The following PHLPP1 variants were observed in gnomAD, a reference collection of about 807,000 sequenced individuals.
The protein encoded by PHLPP1 is PH domain leucine-rich repeat-containing protein phosphatase 1.
Under a neutral mutation model 117.2 loss-of-function variants are expected in PHLPP1, and 42 were observed. That is an observed-to-expected ratio of 0.36 (90% CI 0.28 to 0.46). PHLPP1 has a LOEUF of 0.46. Ranked by LOEUF, PHLPP1 falls within the 20% of genes least tolerant of loss-of-function variation. The pLI, the probability that PHLPP1 is intolerant of heterozygous loss-of-function variation, is 1.00. For missense variants in PHLPP1, 2,084 were observed against 2,241.9 expected, an observed-to-expected ratio of 0.93 and a Z score of 1.42; for synonymous variants, 1,042 against 970.7, an observed-to-expected ratio of 1.07 and a Z score of -1.37.
intron 1 of PHLPP1, among the ~76,000 whole-genome samples, chr18:62,719,685 AT>A (rs1317696264): frequency 6.6e-6 from 1 of 152,156 alleles, no homozygotes; most frequent in Non-Finnish European, 1.5e-5. Flanking sequence ...TACATAACTT[AT>A]TTTTAAATTT....
At chr18:62,746,656 A>C (rs1017176283) in intron 1 of PHLPP1, among the ~76,000 whole-genome samples, 7 of 152,074 alleles carry the variant, frequency 4.6e-5, no homozygotes, top group African/African-American at 1.7e-4. Context: ...TGTTGAATCT[A>C]ACATTTTGCT....
At chr18:62,830,326 T>C in intron 2 of PHLPP1, 95 bp downstream of exon 2, 1 of 989,412 alleles carries the variant, frequency 1.0e-6, no homozygotes, top group Non-Finnish European at 1.5e-6. Flanking sequence ...CTGCAACCTC[T>C]GCCTCCTGAG....
At chr18:62,917,940 C>A (rs188170402) in intron 9 of PHLPP1, among the ~76,000 whole-genome samples, 1 of 152,188 alleles carries the variant, frequency 6.6e-6, no homozygotes, top group African/African-American at 2.4e-5. Context: ...CACAGTGGCT[C>A]ATGCCTGTAA....
At chr18:62,921,977 G>A (rs757411559) in intron 10 of PHLPP1, among the ~76,000 whole-genome samples, 10 of 152,134 alleles carry the variant, frequency 6.6e-5, no homozygotes, top group Non-Finnish European at 1.5e-4. Context: ...ATTCCAACTG[G>A]AATAATTATA....
intron 1 of PHLPP1, among the ~76,000 whole-genome samples, chr18:62,766,104 A>ATATATATATATATATATATATATATAT (rs1289379653): frequency 9.8e-5 from 4 of 40,976 alleles, no homozygotes; most frequent in Non-Finnish European, 1.7e-4. Context: ...TATATATATA[A>ATATATATATATATATATATATATATAT]AATATATATA....
At chr18:62,904,211 A>G (rs556780301) in intron 7 of PHLPP1, among the ~76,000 whole-genome samples, 2 of 152,248 alleles carry the variant, frequency 1.3e-5, no homozygotes, top group Admixed American at 6.5e-5. Flanking sequence ...AAGTAGGAAG[A>G]AAGAATCTGA....
chr18:62,957,758 C>T (rs545859478), intron 12 of PHLPP1, among the ~76,000 whole-genome samples: 1 of 151,546 alleles, frequency 6.6e-6, no homozygotes, highest in East Asian at 1.9e-4. Flanking sequence ...TCTTGTTGCA[C>T]AGGCTGGAGT....
chr18:62,782,452 T>C (rs915360933), intron 1 of PHLPP1, among the ~76,000 whole-genome samples: 5 of 152,246 alleles, frequency 3.3e-5, no homozygotes, highest in Admixed American at 3.3e-4. Context: ...AGATGTGACT[T>C]ACTGTGAAGG....
intron 3 of PHLPP1, among the ~76,000 whole-genome samples, chr18:62,847,588 G>A (rs982939934): frequency 1.3e-5 from 2 of 152,112 alleles, no homozygotes; most frequent in African/African-American, 4.8e-5. Flanking sequence ...TTTAATATTG[G>A]TAAGGGCCCT....
At position 62,964,386 on chromosome 18, in the gene PHLPP1, C is replaced by G. The variant is rs553239091; in HGVS notation, c.3560+914C>G. 1.7e-4 allele frequency among the ~76,000 whole-genome samples: 26 copies of G among 152,300 alleles called. 1 individual carries two copies. In the South Asian group the frequency reaches 5.4e-3, roughly 32 times the overall value. On this transcript the variant is annotated intron_variant, in intron 14 of 16. Coordinates refer to ENST00000262719, the MANE Select transcript of PHLPP1 (RefSeq NM_194449.4). ...TGGGTCTAGGCTTGAGAACCACCGA[C>G]TAGCTGAATACTCTTCATAGAAAAT...
chr18:62,878,640 G>A (rs531019921), intron 4 of PHLPP1, among the ~76,000 whole-genome samples: 1 of 152,232 alleles, frequency 6.6e-6, no homozygotes, highest in Admixed American at 6.5e-5. Context: ...TAAAAGCAGG[G>A]CACACCCATT....
chr18:62,715,690 C>A lies in PHLPP1; in HGVS notation c.7C>A (p.Pro3Thr). The A allele has an allele frequency of 7.7e-7, 1 of 1,291,256 alleles. No homozygotes were observed. Among genetic ancestry groups the A allele is most frequent in the Non-Finnish European group, 9.8e-7 (1 of 1,017,096 alleles). 80.0% of individuals were successfully genotyped at this position (1,291,256 alleles called of 1,614,324 possible). ...AACGCGAAGCCCCACTGCAATGGAG[C>A]CCGCCGCCGCGGCCACGGTACAGCG... Reference protein sequence around the residue: MEPAAAATVQRLP... With the variant: METAAAATVQRLP... The change falls in exon 1 of 17, where the codon CCC becomes ACC. Residue 3 changes from proline (P) to threonine (T), a missense_variant. Physicochemically the swap from Pro to Thr is conservative, Grantham distance 38. Coordinates refer to ENST00000262719, the MANE Select transcript of PHLPP1 (RefSeq NM_194449.4).
intron 1 of PHLPP1, among the ~76,000 whole-genome samples, chr18:62,789,590 A>C (rs988124848): frequency 3.3e-5 from 5 of 152,100 alleles, no homozygotes; most frequent in African/African-American, 1.2e-4. Flanking sequence ...TCCATTCTTC[A>C]TCAGTGTCTT....
At chr18:62,868,309 C>G (rs1915817966) in intron 4 of PHLPP1, among the ~76,000 whole-genome samples, 1 of 152,060 alleles carries the variant, frequency 6.6e-6, no homozygotes, top group African/African-American at 2.4e-5. Flanking sequence ...GTTTCTATAG[C>G]ATTGCATGTG....
chr18:62,798,145 C>T lies in PHLPP1; in HGVS notation c.1577-31890C>T, dbSNP rs372721514. On this transcript the variant is annotated intron_variant, in intron 1 of 16. Coordinates refer to ENST00000262719, the MANE Select transcript of PHLPP1 (RefSeq NM_194449.4). The stretch of plus-strand genomic sequence containing the variant: ...AAAGCCCAGGTGGCTGGTCCCCAAC[C>T]CCAGAGTTTCTTATTAAATAGTTCG... Among the ~76,000 whole-genome samples the T allele has an allele frequency of 1.2e-4, 18 of 152,258 alleles. No individual in the cohort carries two copies. In the East Asian group the frequency reaches 1.3e-3, roughly 11 times the overall value.
At chr18:62,845,475 A>G (rs1915158149) in intron 3 of PHLPP1, among the ~76,000 whole-genome samples, 1 of 152,184 alleles carries the variant, frequency 6.6e-6, no homozygotes, top group African/African-American at 2.4e-5. Context: ...GTGAATCACA[A>G]TTGAACTTTT....
chr18:62,883,258 T>C (rs949601475), intron 4 of PHLPP1, among the ~76,000 whole-genome samples: 7 of 152,116 alleles, frequency 4.6e-5, no homozygotes, highest in Non-Finnish European at 7.4e-5. Context: ...GTGGCAAAAG[T>C]CACCATGAAC....
chr18:62,845,097 C>A (rs954515928), intron 3 of PHLPP1, among the ~76,000 whole-genome samples: 1 of 152,108 alleles, frequency 6.6e-6, no homozygotes, highest in African/African-American at 2.4e-5. Context: ...GGACCTCAAA[C>A]CTGGCCAGTT....
chr18:62,833,040 C>A (rs774548011), intron 2 of PHLPP1, among the ~76,000 whole-genome samples: 1 of 151,944 alleles, frequency 6.6e-6, no homozygotes, highest in African/African-American at 2.4e-5. Context: ...TTTAACTTGT[C>A]CTATAGAATT....
Sources: allele counts gnomAD v4.1 joint callset (sites outside exome capture counted in the v4.1 genomes callset), GRCh38; gene constraint gnomAD v4.1.1; transcripts MANE v1.5; gene names NCBI Gene and HGNC (gene_info 2026-07-23, HGNC 2026-07-21).